MAGI1: variants seen among roughly 807,000 people sequenced by gnomAD.
The protein encoded by MAGI1 is membrane-associated guanylate kinase, WW and PDZ domain-containing protein 1.
MAGI1 carries 58 observed loss-of-function variants against 139.9 expected under a neutral mutation model. The observed-to-expected ratio is 0.41, with a 90% CI of 0.34 to 0.52. MAGI1 has a LOEUF of 0.52. Among genes scored for constraint, MAGI1 ranks in the 20% least tolerant of loss-of-function variants. The probability of loss-of-function intolerance (pLI) is 0.12; values close to 1 mark genes in which losing one functional copy is unlikely to be tolerated. For missense variants in MAGI1, 1,874 were observed against 1,901.6 expected (o/e 0.99, Z 0.27); for synonymous variants, 812 against 737.9 (o/e 1.10, Z -1.63).
chr3:65,402,439 G>C (rs1447834382), intron 12 of MAGI1, among the ~76,000 whole-genome samples: 1 of 152,142 alleles, frequency 6.6e-6, no homozygotes, highest in Non-Finnish European at 1.5e-5. Flanking sequence ...AGACAGGCGA[G>C]AAAGGAAAAT....
chr3:65,608,120 T>C (rs757629070), intron 2 of MAGI1, among the ~76,000 whole-genome samples: 4 of 152,002 alleles, frequency 2.6e-5, no homozygotes, highest in Non-Finnish European at 4.4e-5. Context: ...TTTCTACAAA[T>C]CAGAAAGCAA....
At chr3:65,427,227 G>T (rs182756111) in intron 12 of MAGI1, among the ~76,000 whole-genome samples, 74 of 152,198 alleles carry the variant, frequency 4.9e-4, no homozygotes, top group Admixed American at 4.8e-3. Context: ...CAGGAAGATC[G>T]CTTGAAACTA....
intron 1 of MAGI1, among the ~76,000 whole-genome samples, chr3:66,008,340 A>C (rs1234076896): frequency 6.6e-6 from 1 of 152,192 alleles, no homozygotes; most frequent in Non-Finnish European, 1.5e-5. Context: ...CAACGTGTGA[A>C]TTTACAATGC....
At chr3:65,977,439 G>A (rs866766623) in intron 1 of MAGI1, among the ~76,000 whole-genome samples, 18 of 152,206 alleles carry the variant, frequency 1.2e-4, no homozygotes, top group African/African-American at 2.6e-4. Context: ...GGCCGGGCGC[G>A]GTGGTTCATG....
In MAGI1 at chr3:65,850,165, A is replaced by G. The variant is rs182805457; in HGVS notation, c.313+187831T>C. 3.7e-3 allele frequency among the ~76,000 whole-genome samples: 568 copies of G among 152,318 alleles called. 4 individuals are homozygous for G. The highest frequency in any genetic ancestry group is 0.013 in the African/African-American group (550 of 41,574). On this transcript the variant is annotated intron_variant, in intron 1 of 22. Transcript: ENST00000402939. The stretch of plus-strand genomic sequence containing the variant: ...ATATATAAAAAAATAGTGCTAATTT[A>G]AATGTATGTTACAGAACATACTAAG...
intron 5 of MAGI1, among the ~76,000 whole-genome samples, chr3:65,461,018 T>G (rs537509981): frequency 2.0e-5 from 3 of 152,280 alleles, no homozygotes; most frequent in East Asian, 1.9e-4. Flanking sequence ...TACGTGTGCA[T>G]GTATATTTAT....
chr3:65,891,911 T>TAC (rs2060779265), intron 1 of MAGI1, among the ~76,000 whole-genome samples: 1 of 92,366 alleles, frequency 1.1e-5, no homozygotes, highest in South Asian at 3.6e-4. Context: ...TATATATATA[T>TAC]ATATATATAT....
At chr3:65,512,940 T>C (rs1291315446) in intron 2 of MAGI1, among the ~76,000 whole-genome samples, 1 of 144,654 alleles carries the variant, frequency 6.9e-6, no homozygotes, top group African/African-American at 2.6e-5. Flanking sequence ...CAGCAGCACA[T>C]CAAAAAGCTT....
intron 1 of MAGI1, among the ~76,000 whole-genome samples, chr3:65,920,557 A>T (rs1185420942): frequency 2.0e-5 from 3 of 152,214 alleles, no homozygotes; most frequent in Non-Finnish European, 2.9e-5. Flanking sequence ...CTCTTCTGGG[A>T]CTTAAGAAAT....
intron 12 of MAGI1, among the ~76,000 whole-genome samples, chr3:65,417,928 C>G (rs978054017): frequency 9.2e-5 from 14 of 152,096 alleles, no homozygotes; most frequent in African/African-American, 3.4e-4. Flanking sequence ...TGCTTTAGTC[C>G]AGCTGTTCTT....
intron 1 of MAGI1, among the ~76,000 whole-genome samples, chr3:65,921,413 A>G (rs772046291): frequency 5.3e-5 from 8 of 151,800 alleles, no homozygotes; most frequent in Non-Finnish European, 1.2e-4. Context: ...GGTTCAAGTA[A>G]TTCTCCCATC....
chr3:65,576,660 C>T (rs866540085), intron 2 of MAGI1, among the ~76,000 whole-genome samples: 7 of 152,240 alleles, frequency 4.6e-5, no homozygotes, highest in Admixed American at 2.6e-4. Context: ...ATTTAAGTAA[C>T]GGTTTCCTTT....
At chr3:65,652,592 G>A (rs1414521445) in intron 1 of MAGI1, among the ~76,000 whole-genome samples, 4 of 152,184 alleles carry the variant, frequency 2.6e-5, no homozygotes, top group Non-Finnish European at 5.9e-5. Flanking sequence ...TTAACTTAGG[G>A]ACTAGGGCAA....
At chr3:65,435,614 T>TCATA (rs1310473216) in intron 10 of MAGI1, among the ~76,000 whole-genome samples, 2 of 152,102 alleles carry the variant, frequency 1.3e-5, no homozygotes, top group Admixed American at 1.3e-4. Flanking sequence ...AAACAGAGAA[T>TCATA]CATAGTCTCT....
intron 1 of MAGI1, among the ~76,000 whole-genome samples, chr3:65,654,031 T>G (rs544143869): frequency 6.6e-6 from 1 of 152,314 alleles, no homozygotes; most frequent in South Asian, 2.1e-4. Flanking sequence ...ATGGTGAGAT[T>G]AGAGATGATT....
chr3:65,553,013 T>C lies in MAGI1; in HGVS notation c.431-59382A>G, dbSNP rs116706296. On this transcript the variant is annotated intron_variant, in intron 2 of 22. Transcript: ENST00000402939. ...TCAGCGTGGTAATACATCTAAGGGATGTTTAGTCCCCACTTCAAACATAAA... is the reference window on the plus strand; with the variant it reads ...TCAGCGTGGTAATACATCTAAGGGACGTTTAGTCCCCACTTCAAACATAAA... 8.5e-3 allele frequency among the ~76,000 whole-genome samples: 1,292 copies of C among 152,312 alleles called. 19 individuals carry two copies. Among genetic ancestry groups the C allele is most frequent in the African/African-American group, 0.03 (1,229 of 41,554 alleles).
At position 65,440,386 on chromosome 3, in the gene MAGI1, T is replaced by C. The variant is rs566624023; in HGVS notation, c.1137-374A>G. On this transcript the variant is annotated intron_variant, in intron 8 of 22. Coordinates refer to ENST00000402939, the MANE Select transcript of MAGI1 (RefSeq NM_001033057.2). ...ACAGGCATGCAAGCTCAGGGTTGCC[T>C]GCTTTCAAATCCCAGGATTTTAACC... Among the ~76,000 whole-genome samples the C allele has an allele frequency of 1.1e-4, 17 of 152,290 alleles. No individual in the cohort carries two copies. In the South Asian group the frequency reaches 3.3e-3, roughly 30 times the overall value.
At chr3:65,722,564 T>C (rs915288389) in intron 1 of MAGI1, among the ~76,000 whole-genome samples, 2 of 152,134 alleles carry the variant, frequency 1.3e-5, no homozygotes, top group African/African-American at 4.8e-5. Context: ...GCCCAAGAGC[T>C]GGAGGCTGCA....
At chr3:65,761,939 T>C (rs940871974) in intron 1 of MAGI1, among the ~76,000 whole-genome samples, 1 of 152,184 alleles carries the variant, frequency 6.6e-6, no homozygotes, top group Non-Finnish European at 1.5e-5. Context: ...CATCTTGTTC[T>C]TAAATGGGCT....
Sources: allele counts gnomAD v4.1 joint callset (sites outside exome capture counted in the v4.1 genomes callset), GRCh38; gene constraint gnomAD v4.1.1; transcripts MANE v1.5; gene names NCBI Gene and HGNC (gene_info 2026-07-23, HGNC 2026-07-21).